CDYL: variants seen among roughly 807,000 people sequenced by gnomAD.
CDYL encodes chromodomain Y-like protein.
In CDYL, 8 loss-of-function variants were observed where a neutral mutation model predicts 47.3. That is an observed-to-expected ratio of 0.17 (90% CI 0.10 to 0.31). CDYL has a LOEUF of 0.31. Among genes scored for constraint, CDYL ranks in the 10% least tolerant of loss-of-function variants. CDYL has a pLI of 1.00. For synonymous variants in CDYL, 266 were observed against 265.0 expected (o/e 1.00, Z -0.04); for missense variants, 471 against 701.4 (o/e 0.67, Z 3.71).
At chr6:4,761,874 T>TG (rs1219829693) in intron 3 of CDYL, among the ~76,000 whole-genome samples, 1 of 152,244 alleles carries the variant, frequency 6.6e-6, no homozygotes, top group African/African-American at 2.4e-5. Context: ...TTGAGCTTCC[T>TG]GCTAAGGACA....
chr6:4,943,952 G>T (rs150829525), intron 5 of CDYL, 196 bp downstream of exon 5: 107 of 494,848 alleles, frequency 2.2e-4, no homozygotes, highest in African/African-American at 2.0e-3. Context: ...TTCATTCACT[G>T]AGGAGCCTAC....
chr6:4,902,845 A>G (rs1207764405), intron 2 of CDYL, among the ~76,000 whole-genome samples: 1 of 152,250 alleles, frequency 6.6e-6, no homozygotes, highest in Admixed American at 6.5e-5. Context: ...TCCCTAGAAC[A>G]GTCTGAAAAA....
chr6:4,776,143 GCCCCGCCCACCA>G (rs1434616291), upstream of CDYL, among the ~76,000 whole-genome samples: 1 of 121,898 alleles, frequency 8.2e-6, no homozygotes, highest in South Asian at 2.9e-4. Context: ...GGAAGTCGGA[GCCCCGCCCACCA>G]CCCCGCCCCC....
chr6:4,863,364 AT>A (rs1406266828), intron 1 of CDYL, among the ~76,000 whole-genome samples: 1 of 152,224 alleles, frequency 6.6e-6, no homozygotes, highest in African/African-American at 2.4e-5. Context: ...TCATTAAATT[AT>A]TTTTAAAAAG....
intron 3 of CDYL, among the ~76,000 whole-genome samples, chr6:4,748,048 T>A (rs527665524): frequency 9.2e-5 from 14 of 152,312 alleles, no homozygotes; most frequent in African/African-American, 1.9e-4. Context: ...TGCAGAGATA[T>A]ATGTCATTCA....
At chr6:4,927,544 TAGCTGGGACTACA>T (rs1319307533) in intron 2 of CDYL, among the ~76,000 whole-genome samples, 5 of 151,832 alleles carry the variant, frequency 3.3e-5, no homozygotes, top group African/African-American at 1.2e-4. Flanking sequence ...GCCTCCTGAG[TAGCTGGGACTACA>T]GGCATGCGCC....
At chr6:4,799,082 G>A (rs1307975226) in intron 1 of CDYL, among the ~76,000 whole-genome samples, 1 of 152,120 alleles carries the variant, frequency 6.6e-6, no homozygotes, top group South Asian at 2.1e-4. Context: ...TTTACTTGCA[G>A]CTCTGCTTCA....
intron 1 of CDYL, among the ~76,000 whole-genome samples, chr6:4,823,647 A>G (rs910066777): frequency 6.6e-6 from 1 of 152,150 alleles, no homozygotes; most frequent in Non-Finnish European, 1.5e-5. Context: ...TTTTAAGTAT[A>G]CAATTCCATG....
chr6:4,928,526 A>G (rs1388543484), intron 2 of CDYL, among the ~76,000 whole-genome samples: 1 of 152,212 alleles, frequency 6.6e-6, no homozygotes, highest in Non-Finnish European at 1.5e-5. Context: ...ACCGTCAACC[A>G]TTAGTAAAGT....
chr6:4,783,417 CTT>C (rs1554097730), intron 1 of CDYL, among the ~76,000 whole-genome samples: 11 of 137,336 alleles, frequency 8.0e-5, no homozygotes, highest in South Asian at 2.3e-4. Flanking sequence ...ATTCTTGAGA[CTT>C]TTTTTTTTTT....
chr6:4,890,668 T>C (rs1057029237), intron 1 of CDYL, among the ~76,000 whole-genome samples: 2 of 152,214 alleles, frequency 1.3e-5, no homozygotes, highest in African/African-American at 2.4e-5. Context: ...TTGGGGATGT[T>C]AGAGAACCAG....
chr6:4,872,343 G>C (rs1344983718), intron 1 of CDYL, among the ~76,000 whole-genome samples: 3 of 86,378 alleles, frequency 3.5e-5, no homozygotes, highest in African/African-American at 1.4e-4. Context: ...TTTTTTTTTG[G>C]TTGGTACATT....
intron 3 of CDYL, among the ~76,000 whole-genome samples, chr6:4,735,298 A>C (rs1241005267): frequency 6.6e-6 from 1 of 151,890 alleles, no homozygotes; most frequent in Non-Finnish European, 1.5e-5. Flanking sequence ...CTCAAAAAAA[A>C]GAAAAAAAAA....
chr6:4,856,570 T>C lies in CDYL; in HGVS notation c.25-35143T>C, dbSNP rs1429388652. On this transcript the variant is annotated intron_variant, in intron 1 of 6. Coordinates refer to ENST00000397588, the MANE Select transcript of CDYL (RefSeq NM_004824.4). ...AGGGGAACAGCTGTGAGGACGCTGT[T>C]GCGACAGTCGGGGCCAGAACAATGG... Among the ~76,000 whole-genome samples the C allele has an allele frequency of 2.6e-5, 4 of 152,260 alleles. No individual in the cohort carries two copies. The South Asian group carries it at 8.3e-4, about 32-fold the overall frequency.
chr6:4,926,726 A>G (rs1016477276), intron 2 of CDYL, among the ~76,000 whole-genome samples: 3 of 152,272 alleles, frequency 2.0e-5, no homozygotes, highest in African/African-American at 4.8e-5. Flanking sequence ...TAAAGAGCCA[A>G]TATTAACATT....
intron 1 of CDYL, among the ~76,000 whole-genome samples, chr6:4,807,638 C>G (rs1240493125): frequency 9.1e-6 from 1 of 109,954 alleles, no homozygotes; most frequent in African/African-American, 3.5e-5. Context: ...GGCTCTTGCA[C>G]TGTCATCCAG....
At position 4,776,730 on chromosome 6, in the gene CDYL, G is replaced by C; in HGVS notation, c.-54G>C. 1.6e-6 allele frequency: 2 copies of C among 1,272,364 alleles called. No homozygotes were observed. Among genetic ancestry groups the C allele is most frequent in the African/African-American group, 1.6e-5 (1 of 61,224 alleles). The allele number at this position is 1,272,364 out of a possible 1,614,324, so 78.8% of individuals were successfully genotyped here. A position where few individuals can be genotyped will look rare whatever the true frequency, so the allele number is the denominator to read the frequency against. On this transcript the variant is annotated 5_prime_UTR_variant, in exon 1 of 7. Transcript: ENST00000397588. ...ACTGAAACAAAGTGTCGGCCGCCCG[G>C]CGCCGGCGCCCGCCCCGACCCTGCC... is the stretch of plus-strand genomic sequence containing the variant.
chr6:4,726,225 A>G (rs1757510096), intron 2 of CDYL, among the ~76,000 whole-genome samples: 1 of 152,108 alleles, frequency 6.6e-6, no homozygotes, highest in East Asian at 1.9e-4. Flanking sequence ...CCTGGGCAAC[A>G]TTTGTCTCTA....
intron 2 of CDYL, among the ~76,000 whole-genome samples, chr6:4,723,652 A>T (rs144073900): frequency 6.6e-6 from 1 of 152,190 alleles, no homozygotes; most frequent in Non-Finnish European, 1.5e-5. Flanking sequence ...GGTAAATCTG[A>T]CTACAAGGCA....
Sources: gnomAD v4.1 joint callset for allele counts (sites outside exome capture counted in the v4.1 genomes callset) on GRCh38, gnomAD v4.1.1 for gene constraint, MANE v1.5 for transcripts, NCBI Gene and HGNC (gene_info 2026-07-23, HGNC 2026-07-21) for gene names.